Variants in MTNR1B observed in about 807,000 individuals in gnomAD.
MTNR1B encodes melatonin receptor 1B.
Under a neutral mutation model 7.0 loss-of-function variants are expected in MTNR1B, and 7 were observed. That is an observed-to-expected ratio of 1.00 (90% CI 0.57 to 1.88). MTNR1B has a LOEUF of 1.88. Among genes scored for constraint, MTNR1B ranks in the 40% most tolerant of loss-of-function variants. The pLI is 0.00. For synonymous variants in MTNR1B, 226 were observed against 208.2 expected, an observed-to-expected ratio of 1.09 and a Z score of -0.74; for missense variants, 478 against 486.5, an observed-to-expected ratio of 0.98 and a Z score of 0.16.
At chr11:92,972,411 G>A (rs535589080) in intron 1 of MTNR1B, 10 of 456,054 alleles carry the variant, frequency 2.2e-5, no homozygotes, top group East Asian at 2.1e-4. Context: ...TAACAGTGCC[G>A]CTCCTGATGG....
intron 1 of MTNR1B, among the ~76,000 whole-genome samples, chr11:92,974,844 C>T (rs371533039): frequency 2.0e-5 from 3 of 152,164 alleles, no homozygotes; most frequent in Admixed American, 6.5e-5. Flanking sequence ...CCTCGTGATC[C>T]GCCCGCCTTG....
intron 1 of MTNR1B, among the ~76,000 whole-genome samples, chr11:92,978,879 A>C (rs1242320723): frequency 6.6e-6 from 1 of 152,178 alleles, no homozygotes; most frequent in Non-Finnish European, 1.5e-5. Flanking sequence ...CTTCACAGGG[A>C]AACAGCTGGC....
chr11:92,982,194 T>C lies in MTNR1B; in HGVS notation c.971T>C (p.Leu324Ser). The C allele has an allele frequency of 6.2e-7, 1 of 1,614,192 alleles. No individual in the cohort carries two copies. The highest frequency in any genetic ancestry group is 8.5e-7 in the Non-Finnish European group (1 of 1,180,042). ...NFRREYKRIL[L>S]ALWNPRHCIQ... ...CGCAGGGAATACAAGAGGATCCTCT[T>C]GGCCCTTTGGAACCCACGGCACTGC... Residue 324 changes from leucine to serine, a missense_variant, in exon 2 of 2, where the codon TTG (leucine) becomes TCG (serine). Leu to Ser is a moderately radical substitution (Grantham distance 145, BLOSUM62 -2). Transcript: ENST00000257068.
At chr11:92,982,943 C>CA (rs1554991431), downstream of MTNR1B, among the ~76,000 whole-genome samples, 11 of 93,306 alleles carry the variant, frequency 1.2e-4, 1 homozygote, top group African/African-American at 2.1e-4. Context: ...TGCACCCCCC[C>CA]CCCCCACACA....
intron 1 of MTNR1B, among the ~76,000 whole-genome samples, chr11:92,970,711 A>C (rs938591719): frequency 6.6e-6 from 1 of 152,230 alleles, no homozygotes; most frequent in Non-Finnish European, 1.5e-5. Flanking sequence ...GGGGGGCAGT[A>C]TCTGAACTCT....
downstream of MTNR1B, chr11:92,984,762 C>T (rs763676010): frequency 1.1e-4 from 47 of 410,176 alleles, no homozygotes; most frequent in South Asian, 3.6e-4. Flanking sequence ...TGCCAGGGTT[C>T]GGCACTGACA....
rs574658227 is a variant in MTNR1B, at chr11:92,977,955, G to A, written c.224-3492G>A. 1.2e-4 allele frequency among the ~76,000 whole-genome samples: 19 copies of A among 152,314 alleles called. No homozygotes were observed. The East Asian group carries it at 3.7e-3, about 29-fold the overall frequency. On this transcript the variant is annotated intron_variant, in intron 1 of 1. Coordinates refer to ENST00000257068, the MANE Select transcript of MTNR1B (RefSeq NM_005959.5). ...ATTTGTTTAATGGTCTTCCCTAAGA[G>A]ACCATAAACTTTATAAGGGGAGGTA...
chr11:92,981,163 C>T (rs957374529), intron 1 of MTNR1B, among the ~76,000 whole-genome samples: 1 of 152,138 alleles, frequency 6.6e-6, no homozygotes. Context: ...CTGTTAAATC[C>T]CTGAGCACTT....
At chr11:92,974,952 G>C (rs1857990547) in intron 1 of MTNR1B, among the ~76,000 whole-genome samples, 1 of 152,030 alleles carries the variant, frequency 6.6e-6, no homozygotes, top group Non-Finnish European at 1.5e-5. Context: ...TGGTCAGGCT[G>C]GTCTCAAACT....
At chr11:92,984,457 C>T (rs962605051), downstream of MTNR1B, among the ~76,000 whole-genome samples, 1 of 115,444 alleles carries the variant, frequency 8.7e-6, no homozygotes. Flanking sequence ...GCAGAAGAGT[C>T]CTAAGGATTC....
chr11:92,971,729 G>T (rs116625623), intron 1 of MTNR1B, among the ~76,000 whole-genome samples: 6,625 of 152,168 alleles, frequency 0.044, 263 homozygotes, highest in African/African-American at 0.1. Flanking sequence ...GCTTCCTTTT[G>T]CTGGAAGGAG....
chr11:92,984,631 T>C (rs1045673478), downstream of MTNR1B, among the ~76,000 whole-genome samples: 1 of 152,216 alleles, frequency 6.6e-6, no homozygotes, highest in African/African-American at 2.4e-5. Context: ...GGCAACAGCA[T>C]GTCCACACTT....
chr11:92,982,274 C>T lies in MTNR1B; in HGVS notation c.1051C>T (p.Pro351Ser). 1.9e-6 allele frequency: 3 copies of T among 1,614,038 alleles called. No individual in the cohort carries two copies. Among genetic ancestry groups the T allele is most frequent in the African/African-American group, 1.3e-5 (1 of 75,042 alleles). The change falls in exon 2 of 2, where the codon CCC (proline) becomes TCC (serine). Residue 351 changes from proline (P) to serine (S), a missense_variant. Pro to Ser is a moderately conservative substitution (Grantham distance 74). Transcript: ENST00000257068. Reference sequence around the variant, plus strand: ...GGAGGGGCTGCAGAGCCCAGCTCCACCCATCATTGGTGTGCAGCACCAGGC... The same window carrying T: ...GGAGGGGCTGCAGAGCCCAGCTCCATCCATCATTGGTGTGCAGCACCAGGC... Reference protein sequence around the residue: ...HAEGLQSPAPPIIGVQHQADA... With the variant: ...HAEGLQSPAPSIIGVQHQADA...
intron 1 of MTNR1B, among the ~76,000 whole-genome samples, chr11:92,973,113 A>T (rs1857959993): frequency 1.3e-5 from 2 of 151,998 alleles, no homozygotes; most frequent in Admixed American, 1.3e-4. Context: ...CCCTCGGCTA[A>T]CCTGGTGCTA....
intron 1 of MTNR1B, among the ~76,000 whole-genome samples, chr11:92,975,931 G>A (rs1316384715): frequency 6.6e-6 from 1 of 152,168 alleles, no homozygotes; most frequent in Non-Finnish European, 1.5e-5. Context: ...ACCAAACTGG[G>A]TAACCTTGGA....
intron 1 of MTNR1B, among the ~76,000 whole-genome samples, chr11:92,979,537 T>C (rs1427441910): frequency 6.6e-6 from 1 of 152,240 alleles, no homozygotes; most frequent in Non-Finnish European, 1.5e-5. Flanking sequence ...GCAGTTCAGT[T>C]GAGTCATGAT....
chr11:92,975,819 G>A (rs1374236800), intron 1 of MTNR1B, among the ~76,000 whole-genome samples: 1 of 152,100 alleles, frequency 6.6e-6, no homozygotes, highest in African/African-American at 2.4e-5. Context: ...CTCCATCAAG[G>A]CTTCTATCCT....
rs867085966 is a variant in MTNR1B at position 92,980,195 on chromosome 11, C to T, written c.224-1252C>T. ...AGTTCCTCCTGCACACCATCCCAGC[C>T]GCCCTCTGCATTCCGCCACCCTAAG... On this transcript the variant is annotated intron_variant, in intron 1 of 1. Transcript: ENST00000257068. 3.3e-5 allele frequency among the ~76,000 whole-genome samples: 5 copies of T among 152,168 alleles called. No individual in the cohort carries two copies. The South Asian group carries it at 8.3e-4, about 25-fold the overall frequency.
Position 92,982,354 on chromosome 11 carries a change from A to G in MTNR1B, c.*42A>G. On this transcript the variant is annotated 3_prime_UTR_variant, in exon 2 of 2. Transcript: ENST00000257068. ...ACCAGCAGCATGACAAACTCATGAA[A>G]TGGTGGGAGAGAGTCTGCTGCAAGG... 1 of 1,581,356 alleles carries G rather than the reference A, an allele frequency of 6.3e-7. No individual in the cohort carries two copies. The highest frequency in any genetic ancestry group is 8.6e-7 in the Non-Finnish European group (1 of 1,166,002).
Sources: gnomAD v4.1 joint callset for allele counts (sites outside exome capture counted in the v4.1 genomes callset) on GRCh38, gnomAD v4.1.1 for gene constraint, MANE v1.5 for transcripts, NCBI Gene and HGNC (gene_info 2026-07-23, HGNC 2026-07-21) for gene names.